ERG: variants seen among roughly 807,000 people sequenced by gnomAD.
ERG encodes transcriptional regulator ERG.
A neutral mutation model predicts 55.3 loss-of-function variants in ERG; 9 were observed. The ratio of observed to expected loss-of-function variants is 0.16; its 90% CI spans 0.10 to 0.28. ERG has a LOEUF of 0.28. ERG is among the 10% of genes least tolerant of loss of function. The pLI is 1.00. For synonymous variants in ERG, 223 were observed against 237.3 expected (o/e 0.94, Z 0.55); for missense variants, 434 against 631.6 (o/e 0.69, Z 3.35).
At chr21:38,657,647 G>GT (rs2060527449) in intron 1 of ERG, among the ~76,000 whole-genome samples, 1 of 152,072 alleles carries the variant, frequency 6.6e-6, no homozygotes, top group South Asian at 2.1e-4. Context: ...TGAAGAACTG[G>GT]TTTGGGTGAC....
intron 2 of ERG, among the ~76,000 whole-genome samples, chr21:38,559,024 C>T (rs1232171720): frequency 6.6e-6 from 1 of 152,162 alleles, no homozygotes; most frequent in Non-Finnish European, 1.5e-5. Flanking sequence ...GTCTCTTTTG[C>T]ATGCACAGGG....
intron 1 of ERG, among the ~76,000 whole-genome samples, chr21:38,451,639 G>A (rs1601421703): frequency 3.3e-5 from 5 of 152,182 alleles, no homozygotes; most frequent in African/African-American, 1.2e-4. Context: ...TGCAGTAGAT[G>A]CTTCTAAAAG....
intron 1 of ERG, among the ~76,000 whole-genome samples, chr21:38,476,960 G>A (rs992003943): frequency 6.6e-6 from 1 of 151,186 alleles, no homozygotes; most frequent in Non-Finnish European, 1.5e-5. Flanking sequence ...TGTCCTATAG[G>A]AACACAACTT....
chr21:38,625,701 T>A (rs2146949602), intron 1 of ERG, among the ~76,000 whole-genome samples: 1 of 152,276 alleles, frequency 6.6e-6, no homozygotes, highest in Admixed American at 6.5e-5. Flanking sequence ...TCTCAAGATC[T>A]CAACCTATAT....
intron 2 of ERG, among the ~76,000 whole-genome samples, chr21:38,437,598 T>A (rs1453243839): frequency 1.3e-5 from 2 of 152,200 alleles, no homozygotes; most frequent in Non-Finnish European, 2.9e-5. Context: ...GGGGTGATGC[T>A]TAAAAGGGGC....
intron 1 of ERG, among the ~76,000 whole-genome samples, chr21:38,592,765 G>A (rs2060108677): frequency 6.6e-6 from 1 of 152,166 alleles, no homozygotes; most frequent in Non-Finnish European, 1.5e-5. Context: ...AGTTTTGCTG[G>A]AAGAAAATTT....
At chr21:38,440,147 AG>A (rs1373608756) in intron 2 of ERG, among the ~76,000 whole-genome samples, 3 of 152,246 alleles carry the variant, frequency 2.0e-5, no homozygotes, top group African/African-American at 7.2e-5. Flanking sequence ...TGTGCACTAC[AG>A]GAAAGCCCAT....
At chr21:38,640,275 T>C (rs891562290) in intron 1 of ERG, among the ~76,000 whole-genome samples, 1 of 152,230 alleles carries the variant, frequency 6.6e-6, no homozygotes, top group Non-Finnish European at 1.5e-5. Context: ...ATAGTTATAA[T>C]AATGTTACAA....
chr21:38,442,176 T>C lies in ERG; in HGVS notation c.236+3228A>G, dbSNP rs1290001520. Among the ~76,000 whole-genome samples, 3 of 152,112 alleles carry C rather than the reference T, an allele frequency of 2.0e-5. No individual in the cohort carries two copies. In the East Asian group the frequency reaches 5.8e-4, roughly 30 times the overall value. On this transcript the variant is annotated intron_variant, in intron 2 of 9. Transcript: ENST00000288319. ...ATCCCAGCAATCTGAGAGGCCAAGA[T>C]GGGTGGATTGAGTTCGAGACCAGCC...
chr21:38,432,074 C>T (rs572110196), intron 2 of ERG, among the ~76,000 whole-genome samples: 1 of 152,194 alleles, frequency 6.6e-6, no homozygotes, highest in South Asian at 2.1e-4. Context: ...TTCATAACTC[C>T]CAAATTTCTA....
Position 38,454,322 on chromosome 21 carries a change from C to A in ERG, c.19-8701G>T, listed in dbSNP as rs1182553158. Among the ~76,000 whole-genome samples the A allele has an allele frequency of 5.9e-5, 9 of 152,180 alleles. No individual in the cohort carries two copies. In the East Asian group the frequency reaches 1.5e-3, roughly 26 times the overall value. On this transcript the variant is annotated intron_variant, in intron 1 of 9. Coordinates refer to ENST00000288319, the MANE Select transcript of ERG (RefSeq NM_182918.4). The stretch of plus-strand genomic sequence containing the variant: ...GAAGATGGAAGATGTGAGTTTCAAG[C>A]TGGGCTCTGCCCTTGCTCTGGGAAT...
At chr21:38,418,596 G>A (rs112392766) in intron 3 of ERG, among the ~76,000 whole-genome samples, 7,060 of 151,468 alleles carry the variant, frequency 0.047, 175 homozygotes, top group East Asian at 0.077. Context: ...AATTTTCCAG[G>A]TAATCTTGAT....
intron 1 of ERG, among the ~76,000 whole-genome samples, chr21:38,457,412 G>A (rs2059000461): frequency 6.7e-6 from 1 of 149,676 alleles, no homozygotes. Context: ...CTCTGGCCTG[G>A]GCGAAAGAGC....
At chr21:38,486,592 C>T (rs957486396) in intron 1 of ERG, among the ~76,000 whole-genome samples, 15 of 151,970 alleles carry the variant, frequency 9.9e-5, no homozygotes, top group Non-Finnish European at 2.1e-4. Context: ...TGGAAACAAA[C>T]ACAATCAAGG....
At chr21:38,554,971 A>T (rs1601235429) in intron 2 of ERG, among the ~76,000 whole-genome samples, 1 of 152,300 alleles carries the variant, frequency 6.6e-6, no homozygotes, top group South Asian at 2.1e-4. Context: ...TAGGATGAGA[A>T]CAGCCTCTGT....
At chr21:38,424,398 C>A (rs994300575) in intron 2 of ERG, among the ~76,000 whole-genome samples, 1 of 152,162 alleles carries the variant, frequency 6.6e-6, no homozygotes, top group Non-Finnish European at 1.5e-5. Context: ...GTGAAGGCAG[C>A]CTGCACAGGC....
chr21:38,652,155 C>T (rs1423500900), intron 1 of ERG, among the ~76,000 whole-genome samples: 1 of 152,200 alleles, frequency 6.6e-6, no homozygotes, highest in Non-Finnish European at 1.5e-5. Flanking sequence ...TCAGTTTCCA[C>T]ACTGTGTGAC....
At chr21:38,491,448 T>C (rs1362171827) in intron 1 of ERG, among the ~76,000 whole-genome samples, 2 of 152,220 alleles carry the variant, frequency 1.3e-5, no homozygotes, top group East Asian at 1.9e-4. Context: ...AAGTGGAATG[T>C]GTTAAATGCA....
intron 2 of ERG, among the ~76,000 whole-genome samples, chr21:38,505,847 C>T (rs535389239): frequency 3.3e-5 from 5 of 152,170 alleles, no homozygotes; most frequent in South Asian, 2.1e-4. Context: ...TCCCTTTGAA[C>T]GGCTTGAATT....
Sources: allele counts gnomAD v4.1 joint callset (sites outside exome capture counted in the v4.1 genomes callset), GRCh38; gene constraint gnomAD v4.1.1; transcripts MANE v1.5; gene names NCBI Gene and HGNC (gene_info 2026-07-23, HGNC 2026-07-21).